The following FOXP1 variants were observed in gnomAD, a reference collection of about 807,000 sequenced individuals.
FOXP1 encodes the protein forkhead box P1, also known as forkhead box protein P1.
A neutral mutation model predicts 98.2 loss-of-function variants in FOXP1; 15 were observed. The ratio of observed to expected loss-of-function variants is 0.15; its 90% CI spans 0.10 to 0.24. The LOEUF (loss-of-function observed/expected upper bound fraction) is 0.24, where lower values mean the gene tolerates loss of function less well. Among genes scored for constraint, FOXP1 ranks in the 10% least tolerant of loss-of-function variants. The probability of loss-of-function intolerance (pLI) is 1.00; values close to 1 mark genes in which losing one functional copy is unlikely to be tolerated. For synonymous variants in FOXP1, 371 were observed against 314.5 expected (o/e 1.18, Z -1.90); for missense variants, 633 against 848.5 (o/e 0.75, Z 3.15).
intron 3 of FOXP1, among the ~76,000 whole-genome samples, chr3:71,390,733 A>T (rs2080968100): frequency 6.6e-6 from 1 of 152,234 alleles, no homozygotes; most frequent in Non-Finnish European, 1.5e-5. Context: ...CTTCTTGCAG[A>T]CGTGGCCCAA....
At chr3:71,550,159 C>T (rs1276867687) in intron 2 of FOXP1, among the ~76,000 whole-genome samples, 2 of 152,104 alleles carry the variant, frequency 1.3e-5, no homozygotes, top group African/African-American at 4.8e-5. Context: ...TTGGAGTTGG[C>T]GATGGTACAA....
At chr3:71,364,964 T>C (rs1000420699) in intron 3 of FOXP1, among the ~76,000 whole-genome samples, 1 of 152,246 alleles carries the variant, frequency 6.6e-6, no homozygotes, top group Non-Finnish European at 1.5e-5. Flanking sequence ...AAAGGAACAC[T>C]TAGTGAATAT....
chr3:71,303,949 T>C (rs539531195), intron 4 of FOXP1, among the ~76,000 whole-genome samples: 50 of 152,292 alleles, frequency 3.3e-4, no homozygotes, highest in Admixed American at 1.0e-3. Context: ...CTACCCAGGC[T>C]TGCAGCTTCA....
intron 3 of FOXP1, among the ~76,000 whole-genome samples, chr3:71,478,240 G>A (rs1577730289): frequency 6.6e-6 from 1 of 152,038 alleles, no homozygotes; most frequent in East Asian, 1.9e-4. Context: ...ACAACCTTCA[G>A]CCCCCTACAT....
At chr3:71,482,331 A>C (rs1174316623) in intron 3 of FOXP1, among the ~76,000 whole-genome samples, 1 of 151,894 alleles carries the variant, frequency 6.6e-6, no homozygotes, top group Non-Finnish European at 1.5e-5. Flanking sequence ...TTTTGCTACA[A>C]ATTAATATAT....
At chr3:71,315,241 G>A (rs999343551) in intron 4 of FOXP1, among the ~76,000 whole-genome samples, 9 of 152,028 alleles carry the variant, frequency 5.9e-5, no homozygotes, top group Admixed American at 1.3e-4. Flanking sequence ...CTTCACTTGG[G>A]TGGGGAAAAG....
chr3:71,503,966 T>G (rs1294132398), intron 2 of FOXP1, among the ~76,000 whole-genome samples: 3 of 152,108 alleles, frequency 2.0e-5, no homozygotes, highest in African/African-American at 7.2e-5. Flanking sequence ...AATTTCCAGG[T>G]AGTTTTAGCA....
chr3:71,130,791 A>G, intron 6 of FOXP1: 2 of 1,437,724 alleles, frequency 1.4e-6, no homozygotes, highest in Non-Finnish European at 1.8e-6. Flanking sequence ...CTTCACTTTC[A>G]AAGTTGAAAG....
At chr3:71,217,967 C>T (rs140853457) in intron 5 of FOXP1, among the ~76,000 whole-genome samples, 6 of 152,172 alleles carry the variant, frequency 3.9e-5, no homozygotes, top group African/African-American at 1.2e-4. Flanking sequence ...GAAAGGACTA[C>T]ACTTCATTGT....
intron 5 of FOXP1, among the ~76,000 whole-genome samples, chr3:71,224,274 C>G (rs190305680): frequency 1.3e-5 from 2 of 152,224 alleles, no homozygotes; most frequent in Non-Finnish European, 2.9e-5. Flanking sequence ...GAACTGCATA[C>G]AGGGACTCAG....
chr3:71,064,709 C>T, intron 7 of FOXP1: 1 of 722,264 alleles, frequency 1.4e-6, no homozygotes, highest in Non-Finnish European at 1.7e-6. Flanking sequence ...TTAAAAGACT[C>T]AACTTCAGAA....
chr3:71,201,483 A>G (rs1030840986), intron 5 of FOXP1, among the ~76,000 whole-genome samples: 1 of 152,026 alleles, frequency 6.6e-6, no homozygotes, highest in East Asian at 1.9e-4. Context: ...GCTCTCTACT[A>G]AAAATACAAA....
At chr3:71,069,870 T>A (rs148190644) in intron 7 of FOXP1, among the ~76,000 whole-genome samples, 2 of 152,338 alleles carry the variant, frequency 1.3e-5, no homozygotes, top group African/African-American at 4.8e-5. Flanking sequence ...CTTTATTTAG[T>A]ACAGTCAGCT....
At chr3:71,495,748 C>T (rs1242028398) in intron 2 of FOXP1, among the ~76,000 whole-genome samples, 4 of 152,176 alleles carry the variant, frequency 2.6e-5, no homozygotes, top group Non-Finnish European at 5.9e-5. Flanking sequence ...TCTATATTTT[C>T]CAGCCAATAC....
chr3:71,160,627 G>A (rs2061088867), intron 6 of FOXP1, among the ~76,000 whole-genome samples: 1 of 152,270 alleles, frequency 6.6e-6, no homozygotes, highest in South Asian at 2.1e-4. Flanking sequence ...GAATAAAGAA[G>A]TCAGTTCCTC....
chr3:71,010,045 C>T (rs2043364581), intron 12 of FOXP1, among the ~76,000 whole-genome samples: 2 of 151,848 alleles, frequency 1.3e-5, no homozygotes, highest in Admixed American at 1.3e-4. Context: ...GGTAAACCAC[C>T]TGTGTCTTGC....
At chr3:71,318,154 GTTT>G (rs56227948) in intron 4 of FOXP1, among the ~76,000 whole-genome samples, 3 of 133,264 alleles carry the variant, frequency 2.3e-5, no homozygotes, top group Admixed American at 7.5e-5. Context: ...ACCCAGCAAG[GTTT>G]TTTTTTTTTT....
intron 3 of FOXP1, among the ~76,000 whole-genome samples, chr3:71,431,223 T>C (rs1276069785): frequency 6.6e-6 from 1 of 151,888 alleles, no homozygotes; most frequent in African/African-American, 2.4e-5. Context: ...GGGAGCAGAG[T>C]TCAGTGGCCG....
intron 2 of FOXP1, among the ~76,000 whole-genome samples, chr3:71,548,688 C>T (rs555280943): frequency 7.9e-5 from 12 of 152,132 alleles, no homozygotes; most frequent in South Asian, 2.1e-4. Flanking sequence ...TGTGAGTCAC[C>T]GCACACAACC....
Sources: gnomAD v4.1 joint callset for allele counts (sites outside exome capture counted in the v4.1 genomes callset) on GRCh38, gnomAD v4.1.1 for gene constraint, MANE v1.5 for transcripts, NCBI Gene and HGNC (gene_info 2026-07-23, HGNC 2026-07-21) for gene names.